The following REEP3 variants were observed in gnomAD, a reference collection of about 807,000 sequenced individuals.
REEP3 encodes receptor expression-enhancing protein 3.
In REEP3, 20 loss-of-function variants were observed where a neutral mutation model predicts 41.3. That is an observed-to-expected ratio of 0.48 (90% CI 0.34 to 0.70). The LOEUF is 0.70. REEP3 is among the 30% of genes least tolerant of loss of function. The pLI, the probability that REEP3 is intolerant of heterozygous loss-of-function variation, is 0.01. For missense variants in REEP3, 271 were observed against 308.8 expected (o/e 0.88, Z 0.92); for synonymous variants, 104 against 101.8 (o/e 1.02, Z -0.13).
intron 4 of REEP3, 99 bp from the exon 5 acceptor site, chr10:63,599,071 C>A: frequency 1.6e-6 from 1 of 630,566 alleles, no homozygotes; most frequent in Non-Finnish European, 2.8e-6. Context: ...ATGCTTAATG[C>A]TATAAAATTA....
At chr10:63,568,252 T>C (rs1955818137) in intron 2 of REEP3, among the ~76,000 whole-genome samples, 1 of 151,858 alleles carries the variant, frequency 6.6e-6, no homozygotes, top group African/African-American at 2.4e-5. Flanking sequence ...GAGTAAGTCA[T>C]AGACTAATCC....
chr10:63,542,904 G>T (rs1430144269), intron 1 of REEP3, among the ~76,000 whole-genome samples: 1 of 152,172 alleles, frequency 6.6e-6, no homozygotes, highest in African/African-American at 2.4e-5. Context: ...GCACGTTCAA[G>T]GTACAGGATG....
At chr10:63,565,743 T>C (rs1044713071) in intron 1 of REEP3, among the ~76,000 whole-genome samples, 7 of 152,214 alleles carry the variant, frequency 4.6e-5, no homozygotes, top group African/African-American at 1.7e-4. Context: ...TATTTTATTA[T>C]TGGTGATTTC....
chr10:63,582,834 T>C (rs779620027), intron 2 of REEP3, among the ~76,000 whole-genome samples: 1 of 152,188 alleles, frequency 6.6e-6, no homozygotes, highest in Non-Finnish European at 1.5e-5. Context: ...CTGTATTCTG[T>C]GCTCCGTTAC....
In REEP3 at chr10:63,623,304, G is replaced by A. The variant is rs1171411653; in HGVS notation, c.*2435G>A. Reference sequence around the variant, plus strand: ...TTTCCTGTACATGTGTTTTAGCGGGGCCCTTTTCTTTGAACTTTGTCTAAT... The same window carrying A: ...TTTCCTGTACATGTGTTTTAGCGGGACCCTTTTCTTTGAACTTTGTCTAAT... On this transcript the variant is annotated 3_prime_UTR_variant, in exon 8 of 8. Coordinates refer to ENST00000373758, the MANE Select transcript of REEP3 (RefSeq NM_001001330.3). The A allele has an allele frequency of 1.3e-5, 2 of 151,972 alleles. No homozygotes were observed. Among genetic ancestry groups the A allele is most frequent in the African/African-American group, 4.8e-5 (2 of 41,384 alleles). The allele number at this position is 151,972 out of a possible 1,614,324, so 9.4% of individuals were successfully genotyped here.
chr10:63,603,098 G>A (rs1956187945), intron 5 of REEP3, among the ~76,000 whole-genome samples: 1 of 151,118 alleles, frequency 6.6e-6, no homozygotes, highest in African/African-American at 2.4e-5. Flanking sequence ...CGGATCACAA[G>A]GTCAGGAGAT....
chr10:63,587,753 C>T (rs1485653786), intron 2 of REEP3, among the ~76,000 whole-genome samples: 1 of 152,154 alleles, frequency 6.6e-6, no homozygotes, highest in South Asian at 2.1e-4. Context: ...TTCTCAAAAG[C>T]CTCACCTCAT....
intron 1 of REEP3, among the ~76,000 whole-genome samples, chr10:63,555,155 A>G (rs979548031): frequency 2.6e-5 from 4 of 152,200 alleles, no homozygotes; most frequent in African/African-American, 7.2e-5. Flanking sequence ...TATGAAAAAC[A>G]TAAAGTCTTT....
intron 1 of REEP3, among the ~76,000 whole-genome samples, chr10:63,556,286 T>G (rs1342619406): frequency 6.6e-6 from 1 of 151,632 alleles, no homozygotes; most frequent in African/African-American, 2.4e-5. Flanking sequence ...CGACTAATTT[T>G]TTTTTTTGTA....
At chr10:63,587,112 T>G (rs1266267585) in intron 2 of REEP3, among the ~76,000 whole-genome samples, 1 of 152,164 alleles carries the variant, frequency 6.6e-6, no homozygotes, top group Non-Finnish European at 1.5e-5. Context: ...AGAGGATTGC[T>G]GCTGAAACCA....
rs542010799 is a variant in REEP3, at chr10:63,606,511, A to G, written c.418-3676A>G. ...TGTGATCCTCCCACCTTGGCCTCCC[A>G]AAGTGTTGGAATTGCAGGCGTGAGC... On this transcript the variant is annotated intron_variant, in intron 5 of 7. Coordinates refer to ENST00000373758, the MANE Select transcript of REEP3 (RefSeq NM_001001330.3). 5.9e-5 allele frequency among the ~76,000 whole-genome samples: 9 copies of G among 152,218 alleles called. No homozygotes were observed. In the South Asian group the frequency reaches 1.9e-3, roughly 32 times the overall value.
chr10:63,534,441 G>T (rs1385013819), intron 1 of REEP3, among the ~76,000 whole-genome samples: 1 of 151,988 alleles, frequency 6.6e-6, no homozygotes, highest in Non-Finnish European at 1.5e-5. Context: ...GTAGAGATAG[G>T]GCCTTGTTAT....
rs181314652 is a variant in REEP3 at position 63,540,224 on chromosome 10, C to G, written c.32+18647C>G. The stretch of plus-strand genomic sequence containing the variant: ...TGTCTGGATTTTATTACAACATTCT[C>G]TACAGTACCTCATGAAATTCAACTT... On this transcript the variant is annotated intron_variant, in intron 1 of 7. Transcript: ENST00000373758. Among the ~76,000 whole-genome samples, 557 of 152,262 alleles carry G rather than the reference C, an allele frequency of 3.7e-3. 2 individuals carry two copies. The highest frequency in any genetic ancestry group is 0.013 in the African/African-American group (524 of 41,554).
intron 6 of REEP3, among the ~76,000 whole-genome samples, chr10:63,613,515 T>G: frequency 6.6e-6 from 1 of 152,212 alleles, no homozygotes; most frequent in Admixed American, 6.5e-5. Flanking sequence ...TACAGAATGG[T>G]ATGTATTCTG....
chr10:63,593,864 G>C (rs764924349), intron 2 of REEP3, among the ~76,000 whole-genome samples: 1 of 152,152 alleles, frequency 6.6e-6, no homozygotes, highest in Non-Finnish European at 1.5e-5. Context: ...AAAGATGTGT[G>C]AGAGATTACA....
chr10:63,524,723 C>T (rs1334390685), intron 1 of REEP3, among the ~76,000 whole-genome samples: 1 of 152,182 alleles, frequency 6.6e-6, no homozygotes, highest in Non-Finnish European at 1.5e-5. Flanking sequence ...GAATTACAGC[C>T]ATGAGCCACC....
intron 1 of REEP3, among the ~76,000 whole-genome samples, chr10:63,544,680 C>T (rs935677788): frequency 6.6e-6 from 1 of 152,128 alleles, no homozygotes; most frequent in African/African-American, 2.4e-5. Flanking sequence ...GATGTTAGGG[C>T]AATGCTTTCA....
In REEP3 at chr10:63,622,463, T is replaced by C. The variant is rs913226792; in HGVS notation, c.*1594T>C. 3.3e-5 allele frequency: 5 copies of C among 152,224 alleles called. No homozygotes were observed. The highest frequency in any genetic ancestry group is 7.3e-5 in the Non-Finnish European group (5 of 68,034). 9.4% of individuals were successfully genotyped at this position (152,224 alleles called of 1,614,324 possible). On this transcript the variant is annotated 3_prime_UTR_variant, in exon 8 of 8. Coordinates refer to ENST00000373758, the MANE Select transcript of REEP3 (RefSeq NM_001001330.3). Reference sequence around the variant, plus strand: ...TAATTCTGAATAACTCTATCTACTTTACCCTAATTTTTAGCCTCTTAATTT... The same window carrying C: ...TAATTCTGAATAACTCTATCTACTTCACCCTAATTTTTAGCCTCTTAATTT...
At chr10:63,603,941 A>G (rs1359566281) in intron 5 of REEP3, among the ~76,000 whole-genome samples, 1 of 152,220 alleles carries the variant, frequency 6.6e-6, no homozygotes, top group Non-Finnish European at 1.5e-5. Context: ...GTAAATTGAA[A>G]CTGAAATAGG....
Sources: gnomAD v4.1 joint callset for allele counts (sites outside exome capture counted in the v4.1 genomes callset) on GRCh38, gnomAD v4.1.1 for gene constraint, MANE v1.5 for transcripts, NCBI Gene and HGNC (gene_info 2026-07-23, HGNC 2026-07-21) for gene names.